The following DSN1 variants were observed in gnomAD, a reference collection of about 807,000 sequenced individuals.
DSN1 encodes the protein kinetochore-associated protein DSN1 homolog.
Under a neutral mutation model 45.7 loss-of-function variants are expected in DSN1, and 31 were observed. That is an observed-to-expected ratio of 0.68 (90% CI 0.51 to 0.92). The LOEUF (loss-of-function observed/expected upper bound fraction) is 0.92, where lower values mean the gene tolerates loss of function less well. Ranked by LOEUF, DSN1 falls within the 40% of genes least tolerant of loss-of-function variation. The pLI is 0.00. For missense variants in DSN1, 394 were observed against 414.2 expected, an observed-to-expected ratio of 0.95 and a Z score of 0.42; for synonymous variants, 134 against 142.3, an observed-to-expected ratio of 0.94 and a Z score of 0.41.
At chr20:36,762,372 AG>A in intron 6 of DSN1, 88 bp downstream of exon 6, 1 of 1,181,656 alleles carries the variant, frequency 8.5e-7, no homozygotes. Flanking sequence ...GGCCTCCCAA[AG>A]TGCTGGGATT....
chr20:36,753,576 T>C (rs1404726920), intron 10 of DSN1, among the ~76,000 whole-genome samples: 1 of 145,326 alleles, frequency 6.9e-6, no homozygotes, highest in Non-Finnish European at 1.5e-5. Flanking sequence ...AGGCAGAGGT[T>C]GCAGTGAGCC....
rs755764714 is a variant in DSN1 at position 36,766,848 on chromosome 20, A to G, written c.430-7T>C. ...CAAGTTTCTGAATAGAGAACTAAATAAAGAAAAGCATTTTTAGTACAACCA... is the reference window on the plus strand; with the variant it reads ...CAAGTTTCTGAATAGAGAACTAAATGAAGAAAAGCATTTTTAGTACAACCA... On this transcript the variant is annotated splice_region_variant and splice_polypyrimidine_tract_variant and intron_variant, in intron 4 of 10. Transcript: ENST00000373750. The G allele has an allele frequency of 1.3e-6, 2 of 1,586,652 alleles. No individual in the cohort carries two copies. Among genetic ancestry groups the G allele is most frequent in the Non-Finnish European group, 8.5e-7 (1 of 1,170,978 alleles).
Position 36,767,985 on chromosome 20 carries a change from A to G in DSN1, c.413T>C (p.Leu138Pro). ...GAACCTTACCTGGAAACTGGAAAGCAGGAGACAGCCAAGCCGTTTGCTTTC... is the reference window on the plus strand; with the variant it reads ...GAACCTTACCTGGAAACTGGAAAGCGGGAGACAGCCAAGCCGTTTGCTTTC... ...LAESKRLGCL[L>P]LSSFQFSIQK... The change falls in exon 4 of 11, where the codon CTG (leucine) becomes CCG (proline). Residue 138 changes from leucine to proline, a missense_variant. Transcript: ENST00000373750. 6.2e-7 allele frequency: 1 copy of G among 1,614,178 alleles called. No homozygotes were observed.
At position 36,766,847 on chromosome 20, in the gene DSN1, TA is replaced by T; in HGVS notation, c.430-7del. 6.3e-7 allele frequency: 1 copy of T among 1,587,848 alleles called. No homozygotes were observed. Among genetic ancestry groups the T allele is most frequent in the East Asian group, 2.3e-5 (1 of 44,396 alleles). On this transcript the variant is annotated splice_polypyrimidine_tract_variant and splice_region_variant and intron_variant, in intron 4 of 10. Transcript: ENST00000373750. ...TCAAGTTTCTGAATAGAGAACTAAA[TA>T]AAGAAAAGCATTTTTAGTACAACCA... is the stretch of plus-strand genomic sequence containing the variant.
chr20:36,752,941 C>T (rs1026902826), intron 10 of DSN1, 44 bp from the exon 11 acceptor site: 15 of 1,500,704 alleles, frequency 1.0e-5, no homozygotes, highest in East Asian at 4.5e-5. Context: ...ATTGAAATAA[C>T]GTAACATTTA....
At chr20:36,765,649 T>G (rs1987280132) in intron 5 of DSN1, among the ~76,000 whole-genome samples, 2 of 151,004 alleles carry the variant, frequency 1.3e-5, no homozygotes, top group Non-Finnish European at 2.9e-5. Context: ...ATACAAAAAA[T>G]TAGCCGGGCG....
chr20:36,758,869 T>G (rs919501959), intron 6 of DSN1, among the ~76,000 whole-genome samples: 3 of 152,114 alleles, frequency 2.0e-5, no homozygotes, highest in African/African-American at 7.2e-5. Flanking sequence ...GTATTTTCAG[T>G]AGAGGTGGGG....
At chr20:36,765,908 C>G (rs1046158045) in intron 5 of DSN1, among the ~76,000 whole-genome samples, 32 of 148,184 alleles carry the variant, frequency 2.2e-4, no homozygotes, top group Non-Finnish European at 4.3e-4. Flanking sequence ...CTAGTTAAAT[C>G]CAGGCCGGGC....
intron 6 of DSN1, 93 bp from the exon 7 acceptor site, chr20:36,758,710 G>A (rs1354883256): frequency 1.9e-5 from 24 of 1,265,048 alleles, no homozygotes; most frequent in South Asian, 7.1e-5. Context: ...TATTTCAGAC[G>A]GAGTTTCCCT....
At chr20:36,771,526 A>C in intron 1 of DSN1, 53 bp from the exon 2 acceptor site, 33 of 1,557,554 alleles carry the variant, frequency 2.1e-5, no homozygotes, top group Non-Finnish European at 2.7e-5. Flanking sequence ...CTGCAGTCTC[A>C]ATGGGGCTTT....
In DSN1 at chr20:36,752,641, CT is replaced by C; in HGVS notation, c.*146del. The C allele has an allele frequency of 1.7e-6, 1 of 597,660 alleles. No individual in the cohort carries two copies. The highest frequency in any genetic ancestry group is 2.9e-6 in the Non-Finnish European group (1 of 339,174). The allele number at this position is 597,660 out of a possible 1,614,324, so 37.0% of individuals were successfully genotyped here. On this transcript the variant is annotated 3_prime_UTR_variant, in exon 11 of 11. Transcript: ENST00000373750. ...TCATTTGGATGTACAAATTCCATCACTTTTTGAAAAAAGTCAAAGTGTTCTA... is the reference window on the plus strand; with the variant it reads ...TCATTTGGATGTACAAATTCCATCACTTTTGAAAAAAGTCAAAGTGTTCTA...
intron 9 of DSN1, 84 bp from the exon 10 acceptor site, chr20:36,754,934 G>GAGCTCCTGAGCAA: frequency 1.7e-6 from 2 of 1,167,658 alleles, no homozygotes; most frequent in Non-Finnish European, 2.5e-6. Context: ...CTCTTGCTCA[G>GAGCTCCTGAGCAA]GAGCTCTGGG....
chr20:36,759,985 C>T (rs1255742516), intron 6 of DSN1, among the ~76,000 whole-genome samples: 2 of 151,534 alleles, frequency 1.3e-5, no homozygotes, highest in Non-Finnish European at 2.9e-5. Context: ...GGCTCACGAC[C>T]GTAATCCCAG....
At chr20:36,768,115 T>G (rs921891370) in intron 3 of DSN1, 73 bp from the exon 4 acceptor site, 1 of 1,445,884 alleles carries the variant, frequency 6.9e-7, no homozygotes, top group South Asian at 1.2e-5. Context: ...CTGAAAAATG[T>G]CCTCCCTCTT....
intron 7 of DSN1, 31 bp from the exon 8 acceptor site, chr20:36,758,192 A>AT: frequency 3.8e-6 from 6 of 1,581,626 alleles, no homozygotes; most frequent in Non-Finnish European, 5.2e-6. Context: ...AGTTCAGTTA[A>AT]TTTTTATAAT....
chr20:36,771,719 G>C (rs1384622987), intron 1 of DSN1, among the ~76,000 whole-genome samples: 1 of 152,196 alleles, frequency 6.6e-6, no homozygotes, highest in Non-Finnish European at 1.5e-5. Context: ...GTTACTTTGT[G>C]TTTAACTAGT....
At chr20:36,769,516 G>A (rs1319233303) in intron 3 of DSN1, among the ~76,000 whole-genome samples, 1 of 152,138 alleles carries the variant, frequency 6.6e-6, no homozygotes, top group African/African-American at 2.4e-5. Context: ...TAAAGTACAT[G>A]GGCCTTGTGG....
At chr20:36,773,286 C>T in intron 1 of DSN1, 1 of 745,828 alleles carries the variant, frequency 1.3e-6, no homozygotes, top group African/African-American at 1.9e-5. Context: ...ACTTTGCAGA[C>T]AGGGGAACTG....
intron 5 of DSN1, 134 bp from the exon 6 acceptor site, chr20:36,762,682 T>C (rs1300829929): frequency 3.2e-6 from 2 of 633,236 alleles, no homozygotes; most frequent in South Asian, 4.7e-5. Flanking sequence ...CACCCAAAAG[T>C]GTGGAGTTAA....
Sources: gnomAD v4.1 joint callset for allele counts (sites outside exome capture counted in the v4.1 genomes callset) on GRCh38, gnomAD v4.1.1 for gene constraint, MANE v1.5 for transcripts, NCBI Gene and HGNC (gene_info 2026-07-23, HGNC 2026-07-21) for gene names.